Variants in DMTF1 observed in about 807,000 individuals in gnomAD.
The protein encoded by DMTF1 is cyclin-D-binding Myb-like transcription factor 1.
DMTF1 carries 39 observed loss-of-function variants against 91.1 expected under a neutral mutation model. That is an observed-to-expected ratio of 0.43 (90% confidence interval 0.33 to 0.56). The LOEUF (loss-of-function observed/expected upper bound fraction) is 0.56, where lower values mean the gene tolerates loss of function less well. Ranked by LOEUF, DMTF1 falls within the 20% of genes least tolerant of loss-of-function variation. The pLI, the probability that DMTF1 is intolerant of heterozygous loss-of-function variation, is 0.05. For synonymous variants in DMTF1, 338 were observed against 309.5 expected (o/e 1.09, Z -0.97); for missense variants, 750 against 914.5 (o/e 0.82, Z 2.32).
At position 87,193,713 on chromosome 7, in the gene DMTF1, A is replaced by G; in HGVS notation, c.1651-12A>G. The G allele has an allele frequency of 6.4e-7, 1 of 1,572,716 alleles. No individual in the cohort carries two copies. The highest frequency in any genetic ancestry group is 8.6e-7 in the Non-Finnish European group (1 of 1,160,692). On this transcript the variant is annotated splice_polypyrimidine_tract_variant and intron_variant, in intron 15 of 17. Transcript: ENST00000331242. The stretch of plus-strand genomic sequence containing the variant: ...GATTTACAACTTTAACAGGTTCTTT[A>G]ATGTTTTATAGCCAGAACATTTGTT...
In DMTF1 at chr7:87,166,530, A is replaced by C; in HGVS notation, c.157A>C (p.Arg53=). Reference sequence around the variant, plus strand: ...AGATAGTATTGAACCTCCACATAAAAGGCTTTGTTTGTCCTCTGAGGATGA... The same window carrying C: ...AGATAGTATTGAACCTCCACATAAACGGCTTTGTTTGTCCTCTGAGGATGA... ...SEDSIEPPHK[R]LCLSSEDDQS... is the part of the protein sequence containing the mutation. The change falls in exon 4 of 18, where the codon AGG becomes CGG. Residue 53 remains arginine (R), a synonymous_variant. Transcript: ENST00000331242. 1 of 1,613,336 alleles carries C rather than the reference A, an allele frequency of 6.2e-7. No homozygotes were observed. The highest frequency in any genetic ancestry group is 8.5e-7 in the Non-Finnish European group (1 of 1,179,412).
intron 12 of DMTF1, chr7:87,186,380 G>C (rs1798437826): frequency 6.0e-6 from 1 of 167,000 alleles, no homozygotes; most frequent in African/African-American, 2.4e-5. Flanking sequence ...TCAGCCTCCT[G>C]AATAGCTCGG....
chr7:87,182,384 T>A, intron 10 of DMTF1, 47 bp downstream of exon 10: 1 of 1,586,262 alleles, frequency 6.3e-7, no homozygotes, highest in South Asian at 1.1e-5. Context: ...CACTTAAGCC[T>A]CCTGCCCCTT....
Position 87,195,305 on chromosome 7 carries a change from AAC to A in DMTF1, c.*169_*170del, listed in dbSNP as rs1281453517. The A allele has an allele frequency of 1.8e-6, 1 of 556,306 alleles. No individual in the cohort carries two copies. The highest frequency in any genetic ancestry group is 3.2e-6 in the Non-Finnish European group (1 of 312,638). 34.5% of individuals were successfully genotyped at this position (556,306 alleles called of 1,614,324 possible). On this transcript the variant is annotated 3_prime_UTR_variant, in exon 18 of 18. Transcript: ENST00000331242. ...CTGCTATGACTTTTTACCTCCTTTA[AAC>A]ACATCATCTGAGGTTGAGTTTTATG...
At chr7:87,160,116 T>C (rs1791876034) in intron 1 of DMTF1, among the ~76,000 whole-genome samples, 2 of 152,190 alleles carry the variant, frequency 1.3e-5, no homozygotes, top group Admixed American at 6.5e-5. Context: ...TCTACTCTAC[T>C]ATCACAATTT....
rs774646752 is a variant in DMTF1, at chr7:87,179,572, A to G, written c.547A>G (p.Ile183Val). The stretch of plus-strand genomic sequence containing the variant: ...ACGCGGAATAAAAGATGCTACAGAA[A>G]TCATCTTTGAGATGTCAAAAGACGA... ...KARGIKDATEIIFEMSKDERK... is the reference protein window; with the variant it reads ...KARGIKDATEVIFEMSKDERK... The change falls in exon 8 of 18, where the codon ATC (isoleucine) becomes GTC (valine). Residue 183 changes from isoleucine to valine, a missense_variant. Around this residue, in one of 3 missense-constraint regions of DMTF1, gnomAD observed 190 missense variants for 343.8 expected, o/e 0.55. Coordinates refer to ENST00000331242, the MANE Select transcript of DMTF1 (RefSeq NM_001142327.2). 3 of 1,550,480 alleles carry G rather than the reference A, an allele frequency of 1.9e-6. No individual in the cohort carries two copies. The highest frequency in any genetic ancestry group is 2.6e-6 in the Non-Finnish European group (3 of 1,159,500).
Position 87,181,386 on chromosome 7 carries a change from T to TA in DMTF1, c.710+46dup, listed in dbSNP as rs773164124. 39 of 955,674 alleles carry TA rather than the reference T, an allele frequency of 4.1e-5. 1 individual carries two copies. The South Asian group carries it at 5.3e-4, about 13-fold the overall frequency. The allele number at this position is 955,674 out of a possible 1,614,324, so 59.2% of individuals were successfully genotyped here. A position where few individuals can be genotyped will look rare whatever the true frequency, so the allele number is the denominator to read the frequency against. On this transcript the variant is annotated intron_variant, in intron 9 of 17. Transcript: ENST00000331242. ...TCATTAATTCTAATTTTTTATGTCTTACGTCCTTAAAAGTTTTACTTTGAA... is the reference window on the plus strand; with the variant it reads ...TCATTAATTCTAATTTTTTATGTCTTAACGTCCTTAAAAGTTTTACTTTGAA...
chr7:87,189,964 G>C (rs1335317487), intron 13 of DMTF1, among the ~76,000 whole-genome samples: 1 of 151,954 alleles, frequency 6.6e-6, no homozygotes, highest in Non-Finnish European at 1.5e-5. Context: ...TATTGGTAAG[G>C]GCATTAGATT....
At chr7:87,170,052 A>G (rs981911196) in intron 4 of DMTF1, among the ~76,000 whole-genome samples, 1 of 152,204 alleles carries the variant, frequency 6.6e-6, no homozygotes, top group Non-Finnish European at 1.5e-5. Context: ...CTGAATCCTT[A>G]CATTTGCTTC....
intron 4 of DMTF1, among the ~76,000 whole-genome samples, chr7:87,170,139 G>A (rs935648947): frequency 2.6e-5 from 4 of 151,948 alleles, no homozygotes; most frequent in South Asian, 2.1e-4. Flanking sequence ...AAAATTTAAC[G>A]TTATCCTTGG....
At chr7:87,160,536 A>G (rs954910360) in intron 1 of DMTF1, among the ~76,000 whole-genome samples, 4 of 151,650 alleles carry the variant, frequency 2.6e-5, no homozygotes, top group Admixed American at 6.6e-5. Context: ...CGGCCTCCCA[A>G]AGTGCTGGGA....
chr7:87,162,229 A>G (rs1478358263), intron 1 of DMTF1, among the ~76,000 whole-genome samples: 5 of 151,968 alleles, frequency 3.3e-5, no homozygotes, highest in Non-Finnish European at 7.4e-5. Context: ...ATACACCACC[A>G]CACCTGGCTA....
chr7:87,164,697 T>C (rs1793395307), intron 2 of DMTF1, among the ~76,000 whole-genome samples: 1 of 152,216 alleles, frequency 6.6e-6, no homozygotes, highest in South Asian at 2.1e-4. Context: ...ACAAATGTTG[T>C]AGGTTTTTAA....
chr7:87,183,404 G>A (rs973161630), intron 10 of DMTF1, among the ~76,000 whole-genome samples: 1 of 152,190 alleles, frequency 6.6e-6, no homozygotes, highest in South Asian at 2.1e-4. Context: ...TTGCCAACCT[G>A]AGGGATTGAT....
At chr7:87,174,845 T>A (rs1052682817) in intron 7 of DMTF1, among the ~76,000 whole-genome samples, 176 bp downstream of exon 7, 1 of 152,186 alleles carries the variant, frequency 6.6e-6, no homozygotes, top group Non-Finnish European at 1.5e-5. Flanking sequence ...AGTACAATAA[T>A]ATTTTGAATT....
intron 7 of DMTF1, among the ~76,000 whole-genome samples, chr7:87,176,365 T>C (rs1024937283): frequency 6.6e-6 from 1 of 152,228 alleles, no homozygotes; most frequent in Non-Finnish European, 1.5e-5. Context: ...TGGAAAATGC[T>C]ATTAGTTTAG....
intron 11 of DMTF1, chr7:87,185,034 C>G (rs35831531): frequency 1.1e-5 from 4 of 360,608 alleles, no homozygotes; most frequent in Non-Finnish European, 2.2e-5. Context: ...CTAAGATTGC[C>G]AAGAAGGGGG....
At chr7:87,188,687 T>C (rs1026479593) in intron 13 of DMTF1, among the ~76,000 whole-genome samples, 7 of 152,280 alleles carry the variant, frequency 4.6e-5, no homozygotes, top group Non-Finnish European at 1.0e-4. Flanking sequence ...AGAAGACATA[T>C]CAATTGGGGA....
chr7:87,172,551 T>C (rs1639762450), intron 5 of DMTF1, among the ~76,000 whole-genome samples: 1 of 152,212 alleles, frequency 6.6e-6, no homozygotes, highest in South Asian at 2.1e-4. Flanking sequence ...AATTTCTCTT[T>C]ATATTAGAAG....
Sources: gnomAD v4.1 joint callset for allele counts (sites outside exome capture counted in the v4.1 genomes callset) on GRCh38, gnomAD v4.1.1 for gene constraint, gnomAD v4.1.1 regional missense constraint, MANE v1.5 for transcripts, NCBI Gene and HGNC (gene_info 2026-07-23, HGNC 2026-07-21) for gene names.